PRKG1: variants seen among roughly 807,000 people sequenced by gnomAD.
The protein encoded by PRKG1 is cGMP-dependent protein kinase 1.
In PRKG1, 35 loss-of-function variants were observed where a neutral mutation model predicts 88.1. The ratio of observed to expected loss-of-function variants is 0.40; its 90% CI spans 0.30 to 0.53. The LOEUF is 0.53. PRKG1 is among the 20% of genes least tolerant of loss of function. The pLI is 0.59. For synonymous variants in PRKG1, 303 were observed against 292.5 expected (o/e 1.04, Z -0.37); for missense variants, 540 against 839.8 (o/e 0.64, Z 4.41).
At chr10:51,273,414 T>C (rs1223459620) in intron 2 of PRKG1, among the ~76,000 whole-genome samples, 1 of 151,250 alleles carries the variant, frequency 6.6e-6, no homozygotes. Context: ...CCCAGCTACC[T>C]GAGAGGCTGA....
intron 2 of PRKG1, among the ~76,000 whole-genome samples, chr10:51,173,779 A>T (rs1487149837): frequency 1.3e-5 from 2 of 151,854 alleles, no homozygotes; most frequent in South Asian, 4.1e-4. Flanking sequence ...GGAGCTAAAA[A>T]AATAATCAAA....
chr10:51,076,296 AAATTGCCCT>A (rs1438152407), intron 1 of PRKG1, among the ~76,000 whole-genome samples: 13 of 152,232 alleles, frequency 8.5e-5, no homozygotes, highest in Non-Finnish European at 1.5e-5. Flanking sequence ...TGACCTTACC[AAATTGCCCT>A]AATAGTTCAG....
intron 3 of PRKG1, among the ~76,000 whole-genome samples, chr10:51,658,700 G>A (rs1840222140): frequency 6.6e-6 from 1 of 152,046 alleles, no homozygotes; most frequent in South Asian, 2.1e-4. Flanking sequence ...ACTGGCTACA[G>A]CTTTTTGCCA....
Position 51,001,701 on chromosome 10 carries a change from G to T in PRKG1, c.266+10057G>T, listed in dbSNP as rs77010787. Reference sequence around the variant, plus strand: ...AAAGGGAATCCTTAAGGTTTGAGTAGAAGTACCCTCCTAAATGTAGGAAAA... The same window carrying T: ...AAAGGGAATCCTTAAGGTTTGAGTATAAGTACCCTCCTAAATGTAGGAAAA... On this transcript the variant is annotated intron_variant, in intron 1 of 17. Transcript: ENST00000401604. 9.1e-3 allele frequency among the ~76,000 whole-genome samples: 1,384 copies of T among 152,140 alleles called. 7 individuals carry two copies. Among genetic ancestry groups the T allele is most frequent in the Non-Finnish European group, 0.015 (1,029 of 67,996 alleles).
chr10:51,831,031 G>A (rs1423719270), intron 4 of PRKG1, among the ~76,000 whole-genome samples: 1 of 151,852 alleles, frequency 6.6e-6, no homozygotes, highest in Non-Finnish European at 1.5e-5. Flanking sequence ...ATCGACTGAG[G>A]TTTTTATGAG....
At chr10:51,451,338 T>C (rs1839433961) in intron 2 of PRKG1, among the ~76,000 whole-genome samples, 1 of 151,862 alleles carries the variant, frequency 6.6e-6, no homozygotes, top group South Asian at 2.1e-4. Flanking sequence ...GATTTGTTAC[T>C]GTTGTTTGTT....
intron 4 of PRKG1, among the ~76,000 whole-genome samples, chr10:51,854,264 A>G (rs1251796792): frequency 6.6e-6 from 1 of 152,126 alleles, no homozygotes; most frequent in Non-Finnish European, 1.5e-5. Context: ...GGGATTTTCT[A>G]AAATGAAAAG....
chr10:51,100,926 A>G (rs528086799), intron 1 of PRKG1, among the ~76,000 whole-genome samples: 1 of 152,186 alleles, frequency 6.6e-6, no homozygotes, highest in South Asian at 2.1e-4. Flanking sequence ...GAGTCTATTT[A>G]CTCTTCTTTC....
At chr10:51,846,044 A>G (rs148870531) in intron 4 of PRKG1, among the ~76,000 whole-genome samples, 12 of 152,288 alleles carry the variant, frequency 7.9e-5, no homozygotes, top group African/African-American at 2.6e-4. Flanking sequence ...TGAACAACAT[A>G]TAAGAACCAG....
At chr10:51,850,523 A>ATATGTATATG (rs1428886272) in intron 4 of PRKG1, among the ~76,000 whole-genome samples, 3 of 136,184 alleles carry the variant, frequency 2.2e-5, no homozygotes, top group African/African-American at 2.5e-5. Context: ...ATATGTATAT[A>ATATGTATATG]TTTGCATAGA....
intron 2 of PRKG1, among the ~76,000 whole-genome samples, chr10:51,353,268 C>T (rs369677502): frequency 1.3e-5 from 2 of 152,022 alleles, no homozygotes; most frequent in Non-Finnish European, 2.9e-5. Context: ...CACACAAACA[C>T]AGGCAACCAA....
chr10:51,543,508 T>G (rs1170541421), intron 3 of PRKG1, among the ~76,000 whole-genome samples: 2 of 152,164 alleles, frequency 1.3e-5, no homozygotes, highest in African/African-American at 4.8e-5. Context: ...TGGGGCTCAG[T>G]GTTTTTCCTC....
At chr10:51,345,182 AAT>A (rs1299883528) in intron 2 of PRKG1, among the ~76,000 whole-genome samples, 1 of 152,154 alleles carries the variant, frequency 6.6e-6, no homozygotes, top group Non-Finnish European at 1.5e-5. Flanking sequence ...AGAGATATTA[AAT>A]TACCCTATTT....
At chr10:51,962,650 A>G (rs1316659697) in intron 5 of PRKG1, among the ~76,000 whole-genome samples, 1 of 152,066 alleles carries the variant, frequency 6.6e-6, no homozygotes, top group East Asian at 1.9e-4. Flanking sequence ...CTTTCCAGAT[A>G]TAATTTAACT....
intron 7 of PRKG1, among the ~76,000 whole-genome samples, chr10:52,069,625 A>G (rs11000689): frequency 0.17 from 26,336 of 152,168 alleles, 2,883 homozygotes; most frequent in South Asian, 0.28. Flanking sequence ...GAATTTGATT[A>G]TTATTTATTT....
At chr10:52,278,604 T>G (rs915145928) in intron 12 of PRKG1, among the ~76,000 whole-genome samples, 1 of 152,082 alleles carries the variant, frequency 6.6e-6, no homozygotes, top group Non-Finnish European at 1.5e-5. Context: ...GTGGCACATA[T>G]ACACCATGGA....
chr10:52,250,998 G>A (rs1564532631), intron 9 of PRKG1, among the ~76,000 whole-genome samples: 2 of 152,156 alleles, frequency 1.3e-5, no homozygotes, highest in East Asian at 1.9e-4. Flanking sequence ...CTATGCTTCC[G>A]AAATCATCCA....
intron 2 of PRKG1, among the ~76,000 whole-genome samples, chr10:51,215,531 T>G (rs1589251483): frequency 6.6e-6 from 1 of 152,192 alleles, no homozygotes; most frequent in East Asian, 1.9e-4. Flanking sequence ...GGGGCAAGCT[T>G]GGGGAGCCCT....
At chr10:51,712,451 T>C (rs947712171) in intron 3 of PRKG1, among the ~76,000 whole-genome samples, 2 of 152,176 alleles carry the variant, frequency 1.3e-5, no homozygotes, top group African/African-American at 4.8e-5. Context: ...TTGACGTTTA[T>C]CTATTACAGT....
Sources: gnomAD v4.1 joint callset for allele counts (sites outside exome capture counted in the v4.1 genomes callset) on GRCh38, gnomAD v4.1.1 for gene constraint, MANE v1.5 for transcripts, NCBI Gene and HGNC (gene_info 2026-07-23, HGNC 2026-07-21) for gene names.